RAB38: variants seen among roughly 807,000 people sequenced by gnomAD.
The protein encoded by RAB38 is RAB38, member RAS oncogene family.
RAB38 carries 15 observed loss-of-function variants against 18.4 expected under a neutral mutation model. The ratio of observed to expected loss-of-function variants is 0.82; its 90% CI spans 0.55 to 1.26. RAB38 has a LOEUF of 1.26. Among genes scored for constraint, RAB38 ranks in the 50% most tolerant of loss-of-function variants. RAB38 has a pLI of 0.00. For synonymous variants in RAB38, 101 were observed against 104.4 expected, an observed-to-expected ratio of 0.97 and a Z score of 0.20; for missense variants, 294 against 267.4, an observed-to-expected ratio of 1.10 and a Z score of -0.69.
At chr11:88,173,841 C>G in intron 1 of RAB38, 2 of 985,406 alleles carry the variant, frequency 2.0e-6, no homozygotes, top group Non-Finnish European at 2.4e-6. Context: ...TGTTCACATG[C>G]TAAAAGAAAA....
the RAB38 span, among the ~76,000 whole-genome samples, chr11:87,917,117 A>G: frequency 6.6e-6 from 1 of 152,102 alleles, no homozygotes; most frequent in Non-Finnish European, 1.5e-5. Context: ...TTGCCCAAGC[A>G]GGTTTCTTAT....
chr11:87,858,162 T>C, the RAB38 span, among the ~76,000 whole-genome samples: 1 of 152,134 alleles, frequency 6.6e-6, no homozygotes, highest in Non-Finnish European at 1.5e-5. Flanking sequence ...TTGTCAAAGA[T>C]CAGATGGTTG....
At chr11:87,842,369 T>C in the RAB38 span, among the ~76,000 whole-genome samples, 1 of 151,462 alleles carries the variant, frequency 6.6e-6, no homozygotes, top group African/African-American at 2.4e-5. Flanking sequence ...GGGAGGGGGG[T>C]TTCAGGAGAC....
chr11:87,959,510 T>C, the RAB38 span, among the ~76,000 whole-genome samples: 1 of 152,198 alleles, frequency 6.6e-6, no homozygotes, highest in Non-Finnish European at 1.5e-5. Flanking sequence ...GTGCTGAGCA[T>C]TGTGCTATGT....
chr11:87,973,815 G>C, the RAB38 span, among the ~76,000 whole-genome samples: 2 of 151,962 alleles, frequency 1.3e-5, 1 homozygote, highest in South Asian at 4.1e-4. Flanking sequence ...ATCCAGGTTA[G>C]AGTGAAGAAG....
chr11:87,853,656 T>G, the RAB38 span, among the ~76,000 whole-genome samples: 1 of 152,204 alleles, frequency 6.6e-6, no homozygotes, highest in Non-Finnish European at 1.5e-5. Context: ...ATGGCAGTAG[T>G]GGAAGATTGG....
chr11:88,062,979 A>G, the RAB38 span, among the ~76,000 whole-genome samples: 3 of 152,208 alleles, frequency 2.0e-5, no homozygotes, highest in Non-Finnish European at 4.4e-5. Context: ...ACCTTTTTAT[A>G]TGTTGGAAAT....
the RAB38 span, among the ~76,000 whole-genome samples, chr11:87,943,035 AAAAG>A: frequency 2.0e-5 from 3 of 152,174 alleles, no homozygotes; most frequent in African/African-American, 7.2e-5. Flanking sequence ...CGCATAAGCC[AAAAG>A]AAAGTCGTAA....
chr11:88,110,149 A>C (rs1258715622), downstream of RAB38, among the ~76,000 whole-genome samples: 1 of 152,230 alleles, frequency 6.6e-6, no homozygotes, highest in Non-Finnish European at 1.5e-5. Context: ...CTGGATAAAG[A>C]AAATGTGGCA....
chr11:87,901,230 C>A, the RAB38 span, among the ~76,000 whole-genome samples: 1 of 151,524 alleles, frequency 6.6e-6, no homozygotes, highest in South Asian at 2.1e-4. Context: ...AAAATCCCTG[C>A]AGACTAGTTC....
chr11:88,120,204 T>C (rs1238510588), intron 2 of RAB38, among the ~76,000 whole-genome samples: 1 of 152,214 alleles, frequency 6.6e-6, no homozygotes, highest in Non-Finnish European at 1.5e-5. Flanking sequence ...ACAATAACTC[T>C]GAGATGGGAG....
the RAB38 span, among the ~76,000 whole-genome samples, chr11:87,893,391 T>TATATATATATATATATATATATA: frequency 4.5e-4 from 3 of 6,656 alleles, no homozygotes; most frequent in Admixed American, 3.3e-3. Context: ...TATATATATA[T>TATATATATATATATATATATATA]TTTTTTTTTA....
chr11:88,032,936 A>G, the RAB38 span, among the ~76,000 whole-genome samples: 1 of 152,376 alleles, frequency 6.6e-6, no homozygotes, highest in South Asian at 2.1e-4. Flanking sequence ...ACATATGTTT[A>G]TTGTGGCATT....
In RAB38 at chr11:88,149,741, A is replaced by C. The variant is rs1196966340; in HGVS notation, c.417T>G (p.Asn139Lys). The C allele has an allele frequency of 6.2e-7, 1 of 1,614,054 alleles. No homozygotes were observed. Among genetic ancestry groups the C allele is most frequent in the East Asian group, 2.2e-5 (1 of 44,890 alleles). Residue 139 changes from asparagine to lysine, a missense_variant, in exon 2 of 3, where the codon AAT becomes AAG. Physicochemically the swap from Asn to Lys is moderately conservative, Grantham distance 94. Coordinates refer to ENST00000243662, the MANE Select transcript of RAB38 (RefSeq NM_022337.3). ...TGCAGAACTGGTCCATCTTGAGGCC[A>C]TTGTTCATGAGCACATCCTTCCCCT... ...CDQGKDVLMN[N>K]GLKMDQFCKE...
chr11:88,007,979 CAA>C, the RAB38 span, among the ~76,000 whole-genome samples: 2 of 151,956 alleles, frequency 1.3e-5, no homozygotes, highest in African/African-American at 2.4e-5. Flanking sequence ...AAGTCAGACA[CAA>C]GAGATCATAA....
chr11:87,974,391 T>C, the RAB38 span, among the ~76,000 whole-genome samples: 1 of 151,794 alleles, frequency 6.6e-6, no homozygotes, highest in Non-Finnish European at 1.5e-5. Context: ...AACAGCAGAT[T>C]TGATATTGAA....
the RAB38 span, among the ~76,000 whole-genome samples, chr11:88,104,478 C>A: frequency 6.6e-6 from 1 of 152,040 alleles, no homozygotes; most frequent in East Asian, 1.9e-4. Context: ...TTTGAGCCAG[C>A]CAGTCTTGAG....
the RAB38 span, among the ~76,000 whole-genome samples, chr11:87,969,234 C>A: frequency 6.6e-6 from 1 of 152,064 alleles, no homozygotes; most frequent in African/African-American, 2.4e-5. Flanking sequence ...AGTAGAAGAT[C>A]CTCATCTTAC....
chr11:87,853,269 G>C, the RAB38 span, among the ~76,000 whole-genome samples: 3 of 152,148 alleles, frequency 2.0e-5, no homozygotes, highest in Non-Finnish European at 2.9e-5. Flanking sequence ...TAATATTATG[G>C]TATGTAGAGG....
Sources: gnomAD v4.1 joint callset for allele counts (sites outside exome capture counted in the v4.1 genomes callset) on GRCh38, gnomAD v4.1.1 for gene constraint, MANE v1.5 for transcripts, NCBI Gene and HGNC (gene_info 2026-07-23, HGNC 2026-07-21) for gene names.